Variants in RLF observed in about 807,000 individuals in gnomAD.
RLF encodes zinc finger protein Rlf.
A neutral mutation model predicts 162.9 loss-of-function variants in RLF; 7 were observed. The ratio of observed to expected loss-of-function variants is 0.04; its 90% CI spans 0.02 to 0.08. The LOEUF is 0.08. RLF is among the 10% of genes least tolerant of loss of function. The pLI is 1.00. For synonymous variants in RLF, 782 were observed against 791.5 expected (o/e 0.99, Z 0.20); for missense variants, 1,664 against 2,244.7 (o/e 0.74, Z 5.23).
intron 7 of RLF, among the ~76,000 whole-genome samples, chr1:40,234,357 C>CA (rs1413671974): frequency 2.6e-5 from 4 of 151,942 alleles, no homozygotes; most frequent in Admixed American, 6.6e-5. Flanking sequence ...ATAATACGTG[C>CA]AAAAAAGTTT....
At chr1:40,223,669 A>G (rs1643023818) in intron 6 of RLF, among the ~76,000 whole-genome samples, 1 of 152,126 alleles carries the variant, frequency 6.6e-6, no homozygotes, top group African/African-American at 2.4e-5. Flanking sequence ...ATGTTACTAT[A>G]TTTCTTTTTG....
intron 1 of RLF, among the ~76,000 whole-genome samples, chr1:40,173,073 G>GTTTTTTTTTT (rs765020752): frequency 3.9e-5 from 5 of 129,012 alleles, no homozygotes; most frequent in African/African-American, 1.6e-4. Context: ...TAACATTCAG[G>GTTTTTTTTTT]TTTTTTTTTT....
chr1:40,216,740 C>T (rs1428321760), intron 5 of RLF, among the ~76,000 whole-genome samples: 1 of 152,032 alleles, frequency 6.6e-6, no homozygotes, highest in Non-Finnish European at 1.5e-5. Context: ...TAAAACCAAA[C>T]AAAGGCATCC....
intron 1 of RLF, among the ~76,000 whole-genome samples, chr1:40,185,269 T>C (rs1570526344): frequency 1.3e-5 from 2 of 151,464 alleles, no homozygotes; most frequent in Non-Finnish European, 1.5e-5. Context: ...TAGCTGGGAC[T>C]AGAGGCATGC....
Position 40,239,609 on chromosome 1 carries a change from T to C in RLF, c.4907T>C (p.Ile1636Thr). 2 of 1,614,122 alleles carry C rather than the reference T, an allele frequency of 1.2e-6. No homozygotes were observed. The highest frequency in any genetic ancestry group is 1.7e-5 in the Admixed American group (1 of 60,004). The stretch of plus-strand genomic sequence containing the variant: ...TCCCCGGGTGACAGTAGTGCACCCA[T>C]CCAGAACACTGATTGCTGTCATTCA... ...SHSPGDSSAP[I>T]QNTDCCHSSE... is the part of the protein sequence containing the mutation. Residue 1636 changes from isoleucine to threonine, a missense_variant, in exon 8 of 8, where the codon ATC (isoleucine) becomes ACC (threonine). By Grantham distance (89) the Ile-to-Thr change is moderately conservative. This residue lies in a region of RLF where 327 missense variants were observed against 342.7 expected (regional missense o/e 0.95). Coordinates refer to ENST00000372771, the MANE Select transcript of RLF (RefSeq NM_012421.4).
At chr1:40,195,557 A>G (rs1642624107) in intron 3 of RLF, 75 bp from the exon 4 acceptor site, 1 of 1,211,746 alleles carries the variant, frequency 8.3e-7, no homozygotes, top group African/African-American at 1.5e-5. Context: ...TCCTAGGTGT[A>G]TCAGATATGT....
intron 5 of RLF, among the ~76,000 whole-genome samples, chr1:40,203,681 A>G (rs531928700): frequency 3.3e-5 from 5 of 152,246 alleles, no homozygotes; most frequent in Non-Finnish European, 2.9e-5. Context: ...GAGATTCTTA[A>G]GCTTTATTTC....
At chr1:40,195,873 TTTTAC>T (rs1352812396) in intron 4 of RLF, 109 bp downstream of exon 4, 2 of 957,620 alleles carry the variant, frequency 2.1e-6, no homozygotes, top group Non-Finnish European at 3.0e-6. Context: ...GTCTTTCTGT[TTTTAC>T]TTTGAGTAGT....
chr1:40,215,403 A>G (rs889885658), intron 5 of RLF, among the ~76,000 whole-genome samples: 1 of 152,210 alleles, frequency 6.6e-6, no homozygotes, highest in Non-Finnish European at 1.5e-5. Context: ...AAACCTAAAT[A>G]AATTTTAAAG....
chr1:40,229,657 G>T (rs1158711173), intron 6 of RLF, among the ~76,000 whole-genome samples: 1 of 151,394 alleles, frequency 6.6e-6, no homozygotes, highest in Non-Finnish European at 1.5e-5. Flanking sequence ...GTTTCACCAT[G>T]TTGGCCAGGC....
Position 40,236,293 on chromosome 1 carries a change from C to G in RLF, c.1591C>G (p.Gln531Glu). ...KQYRRRDLTDQHKEKRDKKPI... is the reference protein window; with the variant it reads ...KQYRRRDLTDEHKEKRDKKPI... ...ATATAGAAGAAGAGATTTGACAGAT[C>G]AGCATAAGGAGAAAAGAGACAAAAA... Residue 531 changes from glutamine to glutamate, a missense_variant, in exon 8 of 8, where the codon CAG (glutamine) becomes GAG (glutamate). Gln to Glu is a conservative substitution (Grantham distance 29, BLOSUM62 2). Coordinates refer to ENST00000372771, the MANE Select transcript of RLF (RefSeq NM_012421.4). This position sits in a 1 kb window ranked among gnomAD's most constrained non-coding sequence, Gnocchi z 7.7. 1 of 1,613,838 alleles carries G rather than the reference C, an allele frequency of 6.2e-7. No homozygotes were observed.
At chr1:40,215,163 A>G (rs1391381784) in intron 5 of RLF, among the ~76,000 whole-genome samples, 1 of 152,108 alleles carries the variant, frequency 6.6e-6, no homozygotes, top group African/African-American at 2.4e-5. Context: ...AGCAGAATCA[A>G]AGAGGCAAAT....
chr1:40,213,234 T>C (rs1642884968), intron 5 of RLF, among the ~76,000 whole-genome samples: 2 of 152,238 alleles, frequency 1.3e-5, no homozygotes, highest in Non-Finnish European at 2.9e-5. Flanking sequence ...CCCAGAACTT[T>C]GTATGCATCT....
chr1:40,208,917 G>C (rs1168657308), intron 5 of RLF, among the ~76,000 whole-genome samples: 1 of 152,188 alleles, frequency 6.6e-6, no homozygotes, highest in Non-Finnish European at 1.5e-5. Flanking sequence ...GGTGTGCCCA[G>C]GGTTTAAATC....
chr1:40,192,182 G>A (rs898501040), intron 3 of RLF, among the ~76,000 whole-genome samples: 2 of 152,186 alleles, frequency 1.3e-5, no homozygotes, highest in Non-Finnish European at 2.9e-5. Context: ...CCGTACAGCT[G>A]CTAAAATCAT....
Position 40,189,083 on chromosome 1 carries a change from A to G in RLF, c.266A>G (p.Asn89Ser). The G allele has an allele frequency of 6.2e-7, 1 of 1,607,118 alleles. No homozygotes were observed. The highest frequency in any genetic ancestry group is 1.1e-5 in the South Asian group (1 of 89,942). The change falls in exon 2 of 8, where the codon AAT becomes AGT. Residue 89 changes from asparagine (N) to serine (S), a missense_variant. By Grantham distance (46) the Asn-to-Ser change is conservative. Transcript: ENST00000372771. ...QTLLQYASNK[N>S]ASEHIVYLLE... ...TTATTGCAATATGCAAGCAACAAGAATGCATCAGAACATATTGTGTATCTT... is the reference window on the plus strand; with the variant it reads ...TTATTGCAATATGCAAGCAACAAGAGTGCATCAGAACATATTGTGTATCTT...
chr1:40,177,170 G>A (rs1326923687), intron 1 of RLF, among the ~76,000 whole-genome samples: 1 of 151,886 alleles, frequency 6.6e-6, no homozygotes, highest in Non-Finnish European at 1.5e-5. Flanking sequence ...ATTTTTAGAT[G>A]AGACAGGGTT....
chr1:40,196,688 T>TG (rs762621230), intron 4 of RLF, among the ~76,000 whole-genome samples: 8 of 152,030 alleles, frequency 5.3e-5, no homozygotes, highest in African/African-American at 1.7e-4. Flanking sequence ...TTTGTAGATA[T>TG]GGGGGTCTCA....
At chr1:40,208,642 C>T (rs1034588340) in intron 5 of RLF, among the ~76,000 whole-genome samples, 1 of 151,740 alleles carries the variant, frequency 6.6e-6, no homozygotes, top group African/African-American at 2.4e-5. Flanking sequence ...TGGTGAAACC[C>T]CATCTCTACA....
Sources: allele counts gnomAD v4.1 joint callset (sites outside exome capture counted in the v4.1 genomes callset), GRCh38; gene constraint gnomAD v4.1.1; regional missense constraint gnomAD v4.1.1; non-coding constraint Gnocchi (gnomAD v3.1); transcripts MANE v1.5; gene names NCBI Gene and HGNC (gene_info 2026-07-23, HGNC 2026-07-21).